The following CEP112 variants were observed in gnomAD, a reference collection of about 807,000 sequenced individuals.
CEP112 encodes the protein centrosomal protein of 112 kDa.
Under a neutral mutation model 153.0 loss-of-function variants are expected in CEP112, and 127 were observed. The observed-to-expected ratio is 0.83, with a 90% CI of 0.72 to 0.96. CEP112 has a LOEUF of 0.96. Among genes scored for constraint, CEP112 ranks in the 40% least tolerant of loss-of-function variants. CEP112 has a pLI of 0.00. For synonymous variants in CEP112, 358 were observed against 374.4 expected, an observed-to-expected ratio of 0.96 and a Z score of 0.51; for missense variants, 1,089 against 1,101.2, an observed-to-expected ratio of 0.99 and a Z score of 0.16.
rs2144109516 is a variant in CEP112 at position 65,674,326 on chromosome 17, G to A, written c.2697+14803C>T. 2.6e-5 allele frequency among the ~76,000 whole-genome samples: 4 copies of A among 152,304 alleles called. No homozygotes were observed. The South Asian group carries it at 8.3e-4, about 32-fold the overall frequency. On this transcript the variant is annotated intron_variant, in intron 24 of 26. Transcript: ENST00000535342. ...TCCCAGGTCTGTTTCAAAATGTTAG[G>A]CAAGGCAGGGAAGAATTATGGGGTC...
At position 66,103,837 on chromosome 17, in the gene CEP112, T is replaced by C. The variant is rs551878598; in HGVS notation, c.643-7205A>G. On this transcript the variant is annotated intron_variant, in intron 6 of 26. Transcript: ENST00000535342. ...TGTATTTGGGGAAGGAAGAGCACAGTGATTGTGGGATTTTGCATTGAAACT... is the reference window on the plus strand; with the variant it reads ...TGTATTTGGGGAAGGAAGAGCACAGCGATTGTGGGATTTTGCATTGAAACT... 1.2e-4 allele frequency among the ~76,000 whole-genome samples: 18 copies of C among 152,116 alleles called. No homozygotes were observed. The South Asian group carries it at 1.5e-3, about 12-fold the overall frequency.
intron 20 of CEP112, among the ~76,000 whole-genome samples, chr17:65,896,173 C>T (rs1229758591): frequency 6.6e-6 from 1 of 152,024 alleles, no homozygotes; most frequent in East Asian, 1.9e-4. Context: ...ATGTAGTTTC[C>T]ATGGTAACTG....
intron 23 of CEP112, among the ~76,000 whole-genome samples, chr17:65,741,467 T>C (rs1190558585): frequency 6.6e-6 from 1 of 151,084 alleles, no homozygotes; most frequent in African/African-American, 2.4e-5. Flanking sequence ...ATAGTTTTTA[T>C]ATATATTATA....
chr17:66,031,949 C>T (rs1405856701), intron 12 of CEP112, among the ~76,000 whole-genome samples: 1 of 152,082 alleles, frequency 6.6e-6, no homozygotes, highest in African/African-American at 2.4e-5. Context: ...ACACAAGATC[C>T]CTCAGAAAAG....
intron 21 of CEP112, among the ~76,000 whole-genome samples, chr17:65,829,995 A>G (rs747580733): frequency 6.6e-6 from 1 of 152,238 alleles, no homozygotes; most frequent in Non-Finnish European, 1.5e-5. Context: ...TAATCATTTC[A>G]TCACTGATAA....
chr17:66,043,160 A>G lies in CEP112; in HGVS notation c.1218+10576T>C, dbSNP rs1439816654. 4.2e-6 allele frequency: 3 copies of G among 709,886 alleles called. No individual in the cohort carries two copies. In the Admixed American group the frequency reaches 1.9e-4, roughly 45 times the overall value. 44.0% of individuals were successfully genotyped at this position (709,886 alleles called of 1,614,324 possible). On this transcript the variant is annotated intron_variant, in intron 12 of 26. Transcript: ENST00000535342. ...GTCGCTGAATTTGAATTTTTTCTTTAAAGTTCACTTTCATTTTCACCACCC... is the reference window on the plus strand; with the variant it reads ...GTCGCTGAATTTGAATTTTTTCTTTGAAGTTCACTTTCATTTTCACCACCC...
At chr17:65,826,249 G>A (rs764678953) in intron 21 of CEP112, 4 of 1,613,796 alleles carry the variant, frequency 2.5e-6, no homozygotes, top group African/African-American at 2.7e-5. Context: ...TCAGTCTCAG[G>A]GCTTGGTTTT....
chr17:66,139,428 C>A (rs769471082), intron 4 of CEP112, among the ~76,000 whole-genome samples: 1 of 151,942 alleles, frequency 6.6e-6, no homozygotes, highest in Non-Finnish European at 1.5e-5. Context: ...ACATAGTGAG[C>A]CTCATTTCTA....
intron 21 of CEP112, among the ~76,000 whole-genome samples, chr17:65,784,600 C>T (rs931740289): frequency 1.3e-5 from 2 of 152,148 alleles, no homozygotes; most frequent in Non-Finnish European, 2.9e-5. Flanking sequence ...CCTGCCTTAG[C>T]CTCCTGAGTA....
At chr17:65,900,659 C>T (rs901533873) in intron 20 of CEP112, among the ~76,000 whole-genome samples, 2 of 152,108 alleles carry the variant, frequency 1.3e-5, no homozygotes, top group African/African-American at 4.8e-5. Context: ...CCTACACTGA[C>T]TCAGAACCCA....
intron 24 of CEP112, among the ~76,000 whole-genome samples, chr17:65,650,612 C>G (rs1217017059): frequency 2.0e-5 from 3 of 151,470 alleles, no homozygotes; most frequent in African/African-American, 4.9e-5. Context: ...ATACCAAATA[C>G]TGGCCAGGAG....
intron 20 of CEP112, among the ~76,000 whole-genome samples, chr17:65,873,914 T>C (rs2058742193): frequency 6.6e-6 from 1 of 152,202 alleles, no homozygotes; most frequent in African/African-American, 2.4e-5. Flanking sequence ...GGAAAGAATT[T>C]TTCCCAGTCC....
At chr17:66,003,617 T>A (rs1254806062) in intron 17 of CEP112, among the ~76,000 whole-genome samples, 1 of 152,174 alleles carries the variant, frequency 6.6e-6, no homozygotes, top group Non-Finnish European at 1.5e-5. Context: ...AAACAAATAT[T>A]TGTTGTCTTA....
chr17:65,904,363 G>A (rs2059991908), intron 19 of CEP112, among the ~76,000 whole-genome samples: 1 of 152,106 alleles, frequency 6.6e-6, no homozygotes, highest in South Asian at 2.1e-4. Flanking sequence ...TTACTACAAA[G>A]AGAATAAAAT....
intron 4 of CEP112, among the ~76,000 whole-genome samples, chr17:66,149,880 G>GTTTT (rs1568549274): frequency 9.9e-5 from 6 of 60,724 alleles, no homozygotes; most frequent in African/African-American, 1.9e-4. Flanking sequence ...TTTTTTTTTT[G>GTTTT]TTTGTTTGTT....
At chr17:65,850,153 C>CAAAAAAAA (rs57086665) in intron 21 of CEP112, among the ~76,000 whole-genome samples, 1 of 35,714 alleles carries the variant, frequency 2.8e-5, no homozygotes, top group Non-Finnish European at 6.2e-5. Flanking sequence ...GACTCTGTCT[C>CAAAAAAAA]AAAAAAAAAA....
intron 23 of CEP112, among the ~76,000 whole-genome samples, chr17:65,741,642 G>A (rs376898538): frequency 6.6e-6 from 1 of 151,634 alleles, no homozygotes; most frequent in East Asian, 1.9e-4. Context: ...CCAGAACTAT[G>A]CTGTCAGGAG....
intron 4 of CEP112, among the ~76,000 whole-genome samples, chr17:66,163,254 AT>A (rs2071790540): frequency 6.6e-6 from 1 of 152,162 alleles, no homozygotes; most frequent in Non-Finnish European, 1.5e-5. Context: ...CATGCATGCT[AT>A]GTTTCACAGC....
At chr17:65,707,791 CT>C (rs1271659552) in intron 23 of CEP112, among the ~76,000 whole-genome samples, 1 of 152,172 alleles carries the variant, frequency 6.6e-6, no homozygotes, top group African/African-American at 2.4e-5. Flanking sequence ...GTTTTAACAC[CT>C]TTCAAAGTAA....
Sources: allele counts gnomAD v4.1 joint callset (sites outside exome capture counted in the v4.1 genomes callset), GRCh38; gene constraint gnomAD v4.1.1; transcripts MANE v1.5; gene names NCBI Gene and HGNC (gene_info 2026-07-23, HGNC 2026-07-21).